The following TRPM3 variants were observed in gnomAD, a reference collection of about 807,000 sequenced individuals.
TRPM3 encodes long transient receptor potential channel 3.
Under a neutral mutation model 181.2 loss-of-function variants are expected in TRPM3, and 77 were observed. The ratio of observed to expected loss-of-function variants is 0.42; its 90% CI spans 0.35 to 0.51. The LOEUF (loss-of-function observed/expected upper bound fraction) is 0.51, where lower values mean the gene tolerates loss of function less well. TRPM3 is among the 20% of genes least tolerant of loss of function. The pLI is 0.01. For missense variants in TRPM3, 1,759 were observed against 2,196.7 expected, an observed-to-expected ratio of 0.80 and a Z score of 3.98; for synonymous variants, 745 against 796.4, an observed-to-expected ratio of 0.94 and a Z score of 1.09.
chr9:70,899,932 G>A (rs951884174), intron 1 of TRPM3, among the ~76,000 whole-genome samples: 1 of 152,114 alleles, frequency 6.6e-6, no homozygotes, highest in Non-Finnish European at 1.5e-5. Flanking sequence ...TACTATTGCA[G>A]CATTATCATT....
At chr9:70,864,058 A>G (rs1415302628) in intron 2 of TRPM3, among the ~76,000 whole-genome samples, 1 of 152,080 alleles carries the variant, frequency 6.6e-6, no homozygotes, top group African/African-American at 2.4e-5. Context: ...GGAATCTGCT[A>G]GGAGTCTTTT....
At chr9:70,820,763 AATTGT>A (rs2093096407) in intron 6 of TRPM3, among the ~76,000 whole-genome samples, 1 of 152,050 alleles carries the variant, frequency 6.6e-6, no homozygotes, top group African/African-American at 2.4e-5. Context: ...TAAGCTAGGG[AATTGT>A]TATCCCTAGC....
chr9:71,417,641 C>T lies in TRPM3; in HGVS notation c.183+29012G>A, dbSNP rs563371970. On this transcript the variant is annotated intron_variant, in intron 1 of 24. Coordinates refer to the TRPM3 transcript ENST00000357533. ...TTCATCCAGAAAGAATTAATGGAAA[C>T]ATATCTGAGAAAGGTATGAAATAAG... is the stretch of plus-strand genomic sequence containing the variant. Among the ~76,000 whole-genome samples, 4 of 151,988 alleles carry T rather than the reference C, an allele frequency of 2.6e-5. No homozygotes were observed. The East Asian group carries it at 5.8e-4, about 22-fold the overall frequency.
At chr9:71,197,042 C>G (rs1332923648) in intron 1 of TRPM3, among the ~76,000 whole-genome samples, 2 of 152,086 alleles carry the variant, frequency 1.3e-5, no homozygotes, top group South Asian at 2.1e-4. Flanking sequence ...CACAAGAGTC[C>G]CCAGAGTGTG....
chr9:70,988,246 T>C (rs538845548), intron 1 of TRPM3, among the ~76,000 whole-genome samples: 2 of 152,292 alleles, frequency 1.3e-5, no homozygotes, highest in South Asian at 2.1e-4. Context: ...TTAAAATACA[T>C]ACTAATGTTT....
At chr9:71,080,283 A>G (rs2133734676) in intron 1 of TRPM3, among the ~76,000 whole-genome samples, 1 of 152,234 alleles carries the variant, frequency 6.6e-6, no homozygotes, top group Admixed American at 6.5e-5. Context: ...ACACTAAAGG[A>G]TGCTAGCACC....
intron 1 of TRPM3, among the ~76,000 whole-genome samples, chr9:71,408,037 C>T (rs1433445253): frequency 6.6e-6 from 1 of 152,154 alleles, no homozygotes; most frequent in Non-Finnish European, 1.5e-5. Flanking sequence ...AACTAACAAA[C>T]AGAAAGGAAT....
At chr9:70,904,598 C>T (rs763977559) in intron 1 of TRPM3, among the ~76,000 whole-genome samples, 11 of 152,144 alleles carry the variant, frequency 7.2e-5, no homozygotes, top group Non-Finnish European at 1.5e-4. Flanking sequence ...AAGCCTGGAA[C>T]AGCCCATCTT....
chr9:71,320,713 C>T (rs1021435651), intron 1 of TRPM3, among the ~76,000 whole-genome samples: 1 of 152,142 alleles, frequency 6.6e-6, no homozygotes, highest in East Asian at 1.9e-4. Context: ...TACATGGTGA[C>T]TCACAATTGT....
chr9:71,391,673 G>A (rs1000668063), intron 1 of TRPM3, among the ~76,000 whole-genome samples: 16 of 151,824 alleles, frequency 1.1e-4, no homozygotes, highest in Admixed American at 9.2e-4. Flanking sequence ...GTAAAAAATC[G>A]AATTTGACTA....
intron 1 of TRPM3, among the ~76,000 whole-genome samples, chr9:71,268,393 A>G (rs1276646703): frequency 6.6e-6 from 1 of 151,992 alleles, no homozygotes; most frequent in African/African-American, 2.4e-5. Context: ...AAATAATAAT[A>G]ATAATAAAAA....
chr9:71,005,825 C>T (rs748447060), intron 1 of TRPM3, among the ~76,000 whole-genome samples: 1 of 152,104 alleles, frequency 6.6e-6, no homozygotes, highest in Non-Finnish European at 1.5e-5. Context: ...ACAAAAACAT[C>T]TGAAGGAATA....
chr9:71,326,543 G>C (rs932243896), intron 1 of TRPM3, among the ~76,000 whole-genome samples: 1 of 152,242 alleles, frequency 6.6e-6, no homozygotes, highest in African/African-American at 2.4e-5. Context: ...ATGGTTGAAT[G>C]AGTCATGAAC....
intron 1 of TRPM3, among the ~76,000 whole-genome samples, chr9:71,133,767 T>G (rs1414139804): frequency 6.6e-6 from 1 of 152,230 alleles, no homozygotes; most frequent in Non-Finnish European, 1.5e-5. Context: ...CATTTATATA[T>G]TCACTCTAGC....
chr9:70,864,874 AT>A, intron 1 of TRPM3, among the ~76,000 whole-genome samples: 1 of 152,188 alleles, frequency 6.6e-6, no homozygotes, highest in Non-Finnish European at 1.5e-5. Flanking sequence ...GAAAACAAGT[AT>A]TCAGTAGTGG....
intron 20 of TRPM3, among the ~76,000 whole-genome samples, chr9:70,602,676 A>T (rs890616383): frequency 1.3e-5 from 2 of 152,166 alleles, no homozygotes; most frequent in African/African-American, 4.8e-5. Context: ...CATTCTTTTT[A>T]GCAGCTCTGA....
intron 1 of TRPM3, among the ~76,000 whole-genome samples, chr9:71,048,676 A>G (rs1180592838): frequency 6.6e-6 from 1 of 152,142 alleles, no homozygotes; most frequent in East Asian, 1.9e-4. Context: ...ACTCTGTTTG[A>G]TGTGCTGGTT....
intron 1 of TRPM3, among the ~76,000 whole-genome samples, chr9:71,133,292 C>CTTGTTTTTT (rs2074484588): frequency 1.4e-5 from 1 of 72,306 alleles, no homozygotes; most frequent in Non-Finnish European, 2.5e-5. Flanking sequence ...TAGCAAATTG[C>CTTGTTTTTT]TTTTTTTTTT....
At chr9:71,404,771 T>C (rs2131403173) in intron 1 of TRPM3, among the ~76,000 whole-genome samples, 1 of 152,234 alleles carries the variant, frequency 6.6e-6, no homozygotes, top group East Asian at 1.9e-4. Context: ...CTTCCTAGAC[T>C]CCCTCTAACT....
Sources: gnomAD v4.1 joint callset for allele counts (sites outside exome capture counted in the v4.1 genomes callset) on GRCh38, gnomAD v4.1.1 for gene constraint, MANE v1.5 for transcripts, NCBI Gene and HGNC (gene_info 2026-07-23, HGNC 2026-07-21) for gene names.